Variants in LINGO2 observed in about 807,000 individuals in gnomAD.
The protein encoded by LINGO2 is leucine-rich repeat and immunoglobulin-like domain-containing nogo receptor-interacting protein 2.
Under a neutral mutation model 30.6 loss-of-function variants are expected in LINGO2, and 14 were observed. The ratio of observed to expected loss-of-function variants is 0.46; its 90% confidence interval spans 0.30 to 0.72. The LOEUF is 0.72. LINGO2 is among the 30% of genes least tolerant of loss of function. The pLI is 0.07. For missense variants in LINGO2, 729 were observed against 751.7 expected, an observed-to-expected ratio of 0.97 and a Z score of 0.35; for synonymous variants, 317 against 288.5, an observed-to-expected ratio of 1.10 and a Z score of -1.00.
intron 1 of LINGO2, among the ~76,000 whole-genome samples, chr9:28,594,001 A>T (rs899931271): frequency 4.0e-5 from 6 of 148,962 alleles, no homozygotes; most frequent in South Asian, 2.1e-4. Flanking sequence ...TTCACTATTT[A>T]AAAAAAAAGA....
At chr9:28,809,628 T>A in the LINGO2 span, among the ~76,000 whole-genome samples, 1 of 150,964 alleles carries the variant, frequency 6.6e-6, no homozygotes, top group Non-Finnish European at 1.5e-5. Flanking sequence ...CACCTGTAAT[T>A]CCAGCTACTC....
At chr9:28,698,299 AC>A in the LINGO2 span, among the ~76,000 whole-genome samples, 5 of 152,204 alleles carry the variant, frequency 3.3e-5, no homozygotes, top group African/African-American at 1.2e-4. Flanking sequence ...ATCATAAGAT[AC>A]TTGCACAGGT....
chr9:29,174,556 G>A, the LINGO2 span, among the ~76,000 whole-genome samples: 1 of 152,118 alleles, frequency 6.6e-6, no homozygotes, highest in Non-Finnish European at 1.5e-5. Context: ...CTAAGCTTTT[G>A]AAAATACATA....
At chr9:28,822,652 G>A in the LINGO2 span, among the ~76,000 whole-genome samples, 1 of 152,134 alleles carries the variant, frequency 6.6e-6, no homozygotes, top group Non-Finnish European at 1.5e-5. Flanking sequence ...TTTCTCCTGT[G>A]CTGGATGCTT....
intron 5 of LINGO2, among the ~76,000 whole-genome samples, chr9:27,977,944 G>A (rs775157037): frequency 2.0e-5 from 3 of 152,004 alleles, no homozygotes; most frequent in Non-Finnish European, 4.4e-5. Context: ...CCCAGATTCT[G>A]GCTCTGCAAA....
At chr9:28,068,554 T>C (rs544538879) in intron 4 of LINGO2, among the ~76,000 whole-genome samples, 49 of 152,312 alleles carry the variant, frequency 3.2e-4, no homozygotes, top group Non-Finnish European at 4.3e-4. Context: ...AACATATTCA[T>C]TCATTTATTC....
At chr9:28,575,411 CA>C (rs1424570223) in intron 1 of LINGO2, among the ~76,000 whole-genome samples, 1 of 144,170 alleles carries the variant, frequency 6.9e-6, no homozygotes, top group Non-Finnish European at 1.5e-5. Context: ...AAAAAAACAA[CA>C]AAAAAAACAA....
chr9:28,532,579 A>G (rs550859895), intron 1 of LINGO2, among the ~76,000 whole-genome samples: 56 of 152,200 alleles, frequency 3.7e-4, no homozygotes, highest in African/African-American at 1.3e-3. Context: ...CTATGTATTT[A>G]TCATATACTT....
chr9:29,155,221 G>C, the LINGO2 span, among the ~76,000 whole-genome samples: 1 of 151,962 alleles, frequency 6.6e-6, no homozygotes, highest in Non-Finnish European at 1.5e-5. Flanking sequence ...TCTTTTCTTG[G>C]CACAAAATGA....
chr9:28,707,150 G>T, the LINGO2 span, among the ~76,000 whole-genome samples: 1 of 152,014 alleles, frequency 6.6e-6, no homozygotes, highest in African/African-American at 2.4e-5. Context: ...ATATCCTAAA[G>T]ATGGCAAAGA....
the LINGO2 span, among the ~76,000 whole-genome samples, chr9:29,192,011 C>A: frequency 6.6e-6 from 1 of 151,712 alleles, no homozygotes; most frequent in South Asian, 2.1e-4. Flanking sequence ...TGTAAAATAC[C>A]CCATGGGGTT....
At chr9:28,828,528 C>T in the LINGO2 span, among the ~76,000 whole-genome samples, 1 of 146,392 alleles carries the variant, frequency 6.8e-6, no homozygotes, top group South Asian at 2.1e-4. Flanking sequence ...TTGTTGCCTA[C>T]ATTTGTAGTT....
At chr9:28,437,884 GTTTAATTTTTAGT>G (rs1824017741) in intron 2 of LINGO2, among the ~76,000 whole-genome samples, 2 of 152,112 alleles carry the variant, frequency 1.3e-5, no homozygotes, top group Non-Finnish European at 2.9e-5. Context: ...ATTTTTAACA[GTTTAATTTTTAGT>G]GTTAACACCA....
the LINGO2 span, among the ~76,000 whole-genome samples, chr9:28,987,558 A>T: frequency 2.2e-4 from 33 of 152,044 alleles, no homozygotes; most frequent in South Asian, 5.6e-3. Flanking sequence ...CTTCTTCTTT[A>T]ATATTTCCTT....
At chr9:28,027,732 C>T (rs1823452380) in intron 4 of LINGO2, among the ~76,000 whole-genome samples, 1 of 152,148 alleles carries the variant, frequency 6.6e-6, no homozygotes. Context: ...GTATTTAGCA[C>T]AATGAAACAC....
At chr9:28,944,580 A>AT in the LINGO2 span, among the ~76,000 whole-genome samples, 1 of 151,514 alleles carries the variant, frequency 6.6e-6, no homozygotes. Context: ...TAATTTTTGT[A>AT]TTTTTAGTAG....
the LINGO2 span, among the ~76,000 whole-genome samples, chr9:29,195,721 A>G: frequency 6.6e-6 from 1 of 152,192 alleles, no homozygotes; most frequent in Non-Finnish European, 1.5e-5. Context: ...TCACTAGCAA[A>G]GCAGCTAAAT....
chr9:29,065,739 A>C, the LINGO2 span, among the ~76,000 whole-genome samples: 1 of 151,980 alleles, frequency 6.6e-6, no homozygotes, highest in Non-Finnish European at 1.5e-5. Context: ...AAGAGCTCAT[A>C]TGAATATGCT....
At chr9:28,074,767 A>G (rs1483865350) in intron 4 of LINGO2, among the ~76,000 whole-genome samples, 2 of 152,128 alleles carry the variant, frequency 1.3e-5, no homozygotes, top group Admixed American at 1.3e-4. Context: ...GAAAAGCTTA[A>G]CATGGGTGAC....
Sources: allele counts gnomAD v4.1 joint callset (sites outside exome capture counted in the v4.1 genomes callset), GRCh38; gene constraint gnomAD v4.1.1; transcripts MANE v1.5; gene names NCBI Gene and HGNC (gene_info 2026-07-23, HGNC 2026-07-21).